KCNQ5: variants seen among roughly 807,000 people sequenced by gnomAD.
The protein encoded by KCNQ5 is potassium voltage-gated channel subfamily Q member 5.
Under a neutral mutation model 98.2 loss-of-function variants are expected in KCNQ5, and 30 were observed. That is an observed-to-expected ratio of 0.31 (90% CI 0.23 to 0.41). The LOEUF (loss-of-function observed/expected upper bound fraction) is 0.41. Among genes scored for constraint, KCNQ5 ranks in the 10% least tolerant of loss-of-function variants. KCNQ5 has a pLI of 1.00. For synonymous variants in KCNQ5, 458 were observed against 449.4 expected (o/e 1.02, Z -0.24); for missense variants, 835 against 1,182.5 (o/e 0.71, Z 4.31).
In KCNQ5 at chr6:73,144,244, C is replaced by T. The variant is rs557959049; in HGVS notation, c.1468+10603C>T. Among the ~76,000 whole-genome samples the T allele has an allele frequency of 3.9e-5, 6 of 152,276 alleles. No homozygotes were observed. The East Asian group carries it at 1.2e-3, about 29-fold the overall frequency. ...CTGACATTGTCCCAAATTGCTTTTA[C>T]AGGTATTTTATTTTCAACATCTAAT... On this transcript the variant is annotated intron_variant, in intron 10 of 13. Coordinates refer to ENST00000370398, the MANE Select transcript of KCNQ5 (RefSeq NM_019842.4).
At chr6:73,146,417 G>T (rs975927530) in intron 10 of KCNQ5, among the ~76,000 whole-genome samples, 1 of 152,074 alleles carries the variant, frequency 6.6e-6, no homozygotes, top group African/African-American at 2.4e-5. Flanking sequence ...TTGAGCCCAG[G>T]AGTTAGAGAC....
At chr6:72,652,130 C>T (rs1765904885) in intron 1 of KCNQ5, among the ~76,000 whole-genome samples, 2 of 151,002 alleles carry the variant, frequency 1.3e-5, no homozygotes, top group Non-Finnish European at 2.9e-5. Context: ...AATAACACCA[C>T]ATCATATGTA....
At chr6:72,951,731 A>G (rs1766817926) in intron 1 of KCNQ5, among the ~76,000 whole-genome samples, 1 of 152,180 alleles carries the variant, frequency 6.6e-6, no homozygotes, top group South Asian at 2.1e-4. Flanking sequence ...GCTATTTTCC[A>G]CGAAACATCC....
At chr6:73,138,065 T>A (rs1484310281) in intron 10 of KCNQ5, among the ~76,000 whole-genome samples, 2 of 152,126 alleles carry the variant, frequency 1.3e-5, no homozygotes, top group African/African-American at 4.8e-5. Flanking sequence ...TTAGGCAAAT[T>A]GGGGAAATGG....
At chr6:72,853,663 G>A (rs760051633) in intron 1 of KCNQ5, among the ~76,000 whole-genome samples, 1 of 152,176 alleles carries the variant, frequency 6.6e-6, no homozygotes, top group Non-Finnish European at 1.5e-5. Context: ...TGGCTGATGT[G>A]CAGCCATGTT....
intron 1 of KCNQ5, among the ~76,000 whole-genome samples, chr6:72,765,114 T>C (rs1772496184): frequency 6.6e-6 from 1 of 152,096 alleles, no homozygotes; most frequent in Non-Finnish European, 1.5e-5. Flanking sequence ...TATATTGATT[T>C]CATTTCATTT....
intron 1 of KCNQ5, among the ~76,000 whole-genome samples, chr6:72,792,022 G>T (rs897742312): frequency 6.6e-6 from 1 of 152,142 alleles, no homozygotes; most frequent in South Asian, 2.1e-4. Context: ...TTCATGGAAA[G>T]AAAACATATT....
At position 72,827,877 on chromosome 6, in the gene KCNQ5, C is replaced by T. The variant is rs554787266; in HGVS notation, c.399-176031C>T. 1.4e-4 allele frequency among the ~76,000 whole-genome samples: 21 copies of T among 152,112 alleles called. No homozygotes were observed. In the East Asian group the frequency reaches 4.1e-3, roughly 29 times the overall value. ...ATCATTTCAGGTCCTACATTTAGGT[C>T]TTTGATCCATTTTGAGTGGATTTTT... On this transcript the variant is annotated intron_variant, in intron 1 of 13. Transcript: ENST00000370398.
At chr6:73,156,734 T>G (rs9446858) in intron 10 of KCNQ5, among the ~76,000 whole-genome samples, 14,684 of 152,296 alleles carry the variant, frequency 0.096, 1,855 homozygotes, top group African/African-American at 0.28. Flanking sequence ...TGCATAAATA[T>G]TTTGTTACAG....
intron 1 of KCNQ5, among the ~76,000 whole-genome samples, chr6:72,641,767 T>A (rs748518348): frequency 6.6e-6 from 1 of 152,110 alleles, no homozygotes; most frequent in Non-Finnish European, 1.5e-5. Context: ...TCTAAAATTG[T>A]TGGCCAATAA....
intron 10 of KCNQ5, among the ~76,000 whole-genome samples, chr6:73,147,951 T>G (rs1479232538): frequency 6.6e-6 from 1 of 152,190 alleles, no homozygotes; most frequent in Non-Finnish European, 1.5e-5. Flanking sequence ...GTTTTACAGT[T>G]GCAATAATTT....
intron 1 of KCNQ5, among the ~76,000 whole-genome samples, chr6:72,776,699 C>T (rs1773176556): frequency 6.6e-6 from 1 of 152,124 alleles, no homozygotes; most frequent in South Asian, 2.1e-4. Context: ...TTCACTTATT[C>T]AGTTGAGTGA....
chr6:72,757,289 G>T (rs571115375), intron 1 of KCNQ5, among the ~76,000 whole-genome samples: 1 of 152,198 alleles, frequency 6.6e-6, no homozygotes, highest in African/African-American at 2.4e-5. Flanking sequence ...AGGCACCCCA[G>T]GAAAATGCTA....
At chr6:73,108,905 A>G (rs1194462231) in intron 6 of KCNQ5, among the ~76,000 whole-genome samples, 1 of 152,256 alleles carries the variant, frequency 6.6e-6, no homozygotes, top group Non-Finnish European at 1.5e-5. Flanking sequence ...AATTAGGTTC[A>G]TTTAATCCAG....
Position 73,116,632 on chromosome 6 carries a change from T to C in KCNQ5, c.1126-3851T>C, listed in dbSNP as rs573831776. Reference sequence around the variant, plus strand: ...TTGAAGCTGCTGTGAGCTATAATTGTACCACTGCACTCCAGCCTGGGTGAT... The same window carrying C: ...TTGAAGCTGCTGTGAGCTATAATTGCACCACTGCACTCCAGCCTGGGTGAT... On this transcript the variant is annotated intron_variant, in intron 7 of 13. Coordinates refer to ENST00000370398, the MANE Select transcript of KCNQ5 (RefSeq NM_019842.4). Among the ~76,000 whole-genome samples the C allele has an allele frequency of 3.9e-5, 6 of 152,278 alleles. 1 individual carries two copies. Among genetic ancestry groups the C allele is most frequent in the African/African-American group, 1.4e-4 (6 of 41,554 alleles).
At chr6:72,801,743 A>G (rs1774670962) in intron 1 of KCNQ5, among the ~76,000 whole-genome samples, 2 of 152,066 alleles carry the variant, frequency 1.3e-5, no homozygotes, top group African/African-American at 2.4e-5. Flanking sequence ...ACAATTTGGC[A>G]TGGTTTTGCA....
At chr6:73,189,216 A>T (rs1374825497) in intron 11 of KCNQ5, among the ~76,000 whole-genome samples, 1 of 152,106 alleles carries the variant, frequency 6.6e-6, no homozygotes, top group Admixed American at 6.6e-5. Context: ...TTAAAACACT[A>T]ATTTTCTTTA....
intron 1 of KCNQ5, among the ~76,000 whole-genome samples, chr6:72,971,507 A>G (rs551381370): frequency 6.6e-6 from 1 of 152,336 alleles, no homozygotes; most frequent in East Asian, 1.9e-4. Flanking sequence ...TATATACCCA[A>G]AGGATTATAA....
intron 1 of KCNQ5, among the ~76,000 whole-genome samples, chr6:72,635,238 C>G (rs562090359): frequency 6.6e-6 from 1 of 151,938 alleles, no homozygotes; most frequent in African/African-American, 2.4e-5. Context: ...CTATGTTGCT[C>G]AGGCTGGTTT....
Sources: gnomAD v4.1 joint callset for allele counts (sites outside exome capture counted in the v4.1 genomes callset) on GRCh38, gnomAD v4.1.1 for gene constraint, MANE v1.5 for transcripts, NCBI Gene and HGNC (gene_info 2026-07-23, HGNC 2026-07-21) for gene names.